NR3C2: variants seen among roughly 807,000 people sequenced by gnomAD.
NR3C2 encodes nuclear receptor subfamily 3 group C member 2.
A neutral mutation model predicts 86.4 loss-of-function variants in NR3C2; 15 were observed. The ratio of observed to expected loss-of-function variants is 0.17; its 90% CI spans 0.12 to 0.27. The LOEUF is 0.27. NR3C2 is among the 10% of genes least tolerant of loss of function. NR3C2 has a pLI of 1.00. For missense variants in NR3C2, 960 were observed against 1,195.6 expected (o/e 0.80, Z 2.91); for synonymous variants, 458 against 450.5 (o/e 1.02, Z -0.21).
chr4:148,299,252 G>A (rs951665836), intron 2 of NR3C2, among the ~76,000 whole-genome samples: 34 of 152,086 alleles, frequency 2.2e-4, no homozygotes, highest in Non-Finnish European at 4.9e-4. Context: ...TGGCCTGTAC[G>A]GGGACATGAG....
At chr4:148,334,821 G>A (rs56221684) in intron 2 of NR3C2, among the ~76,000 whole-genome samples, 43,849 of 152,042 alleles carry the variant, frequency 0.29, 7,073 homozygotes, top group Middle Eastern at 0.43. Context: ...GTCCGAGTTC[G>A]AGATGTTAGC....
intron 2 of NR3C2, among the ~76,000 whole-genome samples, chr4:148,266,245 G>A (rs914339259): frequency 1.3e-5 from 2 of 152,022 alleles, no homozygotes; most frequent in African/African-American, 4.8e-5. Flanking sequence ...GCTAATTTTT[G>A]TATTTTTAGT....
chr4:148,254,997 T>G (rs1579071620), intron 3 of NR3C2, among the ~76,000 whole-genome samples: 1 of 152,098 alleles, frequency 6.6e-6, no homozygotes, highest in Non-Finnish European at 1.5e-5. Flanking sequence ...TACGTAATAT[T>G]AATATTAATA....
chr4:148,204,538 G>C (rs149323072), intron 3 of NR3C2, among the ~76,000 whole-genome samples: 1 of 152,030 alleles, frequency 6.6e-6, no homozygotes, highest in Non-Finnish European at 1.5e-5. Flanking sequence ...AGACAAATTC[G>C]GAGTGGTAAA....
chr4:148,187,482 G>C (rs1365940943), intron 4 of NR3C2, among the ~76,000 whole-genome samples: 2 of 152,006 alleles, frequency 1.3e-5, no homozygotes, highest in South Asian at 2.1e-4. Flanking sequence ...TTTCATGTTT[G>C]TTGGCCATTT....
chr4:148,114,111 A>G lies in NR3C2; in HGVS notation c.2792T>C (p.Met931Thr). The G allele has an allele frequency of 6.2e-7, 1 of 1,613,342 alleles. No homozygotes were observed. The highest frequency in any genetic ancestry group is 8.5e-7 in the Non-Finnish European group (1 of 1,179,794). ...FYQLTKLLDS[M>T]HDLVSDLLEF... The stretch of plus-strand genomic sequence containing the variant: ...AGGAGGGGCTCTACTCACGTCATGC[A>G]TGGAGTCCAGCAGCTTGGTCAGTTG... Residue 931 changes from methionine to threonine, a missense_variant, in exon 8 of 9, where the codon ATG (methionine) becomes ACG (threonine). By Grantham distance (81) the Met-to-Thr change is moderately conservative. Coordinates refer to ENST00000358102, the MANE Select transcript of NR3C2 (RefSeq NM_000901.5).
intron 3 of NR3C2, among the ~76,000 whole-genome samples, chr4:148,198,015 A>G (rs1416790420): frequency 2.0e-5 from 3 of 152,074 alleles, no homozygotes; most frequent in African/African-American, 7.2e-5. Flanking sequence ...GAAGACAGAA[A>G]GCTTCCAAGG....
At chr4:148,396,469 T>C (rs960687446) in intron 2 of NR3C2, among the ~76,000 whole-genome samples, 2 of 152,226 alleles carry the variant, frequency 1.3e-5, no homozygotes, top group African/African-American at 4.8e-5. Context: ...ACAAAGACTT[T>C]AGAAAGGTAA....
intron 2 of NR3C2, among the ~76,000 whole-genome samples, chr4:148,419,820 C>T (rs1156654353): frequency 6.6e-6 from 1 of 152,146 alleles, no homozygotes; most frequent in African/African-American, 2.4e-5. Flanking sequence ...TCCACCAGCT[C>T]ACAATATTAC....
At chr4:148,310,451 C>T (rs945162245) in intron 2 of NR3C2, among the ~76,000 whole-genome samples, 1 of 152,214 alleles carries the variant, frequency 6.6e-6, no homozygotes, top group African/African-American at 2.4e-5. Context: ...AGTCTATTTG[C>T]TGTCACATGG....
At position 148,094,270 on chromosome 4, in the gene NR3C2, C is replaced by G. The variant is rs568303852; in HGVS notation, c.2800-12771G>C. Among the ~76,000 whole-genome samples the G allele has an allele frequency of 6.6e-5, 10 of 152,308 alleles. No individual in the cohort carries two copies. In the South Asian group the frequency reaches 1.9e-3, roughly 28 times the overall value. On this transcript the variant is annotated intron_variant, in intron 8 of 8. Coordinates refer to ENST00000358102, the MANE Select transcript of NR3C2 (RefSeq NM_000901.5). ...GAGAAATTGGAACATTTGCATGTCACTGGTGAAAATGTATAATGGTGCAGT... is the reference window on the plus strand; with the variant it reads ...GAGAAATTGGAACATTTGCATGTCAGTGGTGAAAATGTATAATGGTGCAGT...
chr4:148,312,111 G>A (rs573137400), intron 2 of NR3C2, among the ~76,000 whole-genome samples: 1 of 152,182 alleles, frequency 6.6e-6, no homozygotes, highest in South Asian at 2.1e-4. Flanking sequence ...TGTACTGGAG[G>A]CAGCTTATAC....
chr4:148,386,795 T>C (rs958173061), intron 2 of NR3C2, among the ~76,000 whole-genome samples: 1 of 152,224 alleles, frequency 6.6e-6, no homozygotes, highest in Non-Finnish European at 1.5e-5. Context: ...TTCTACCCTT[T>C]GTTCCTAATA....
At chr4:148,165,055 T>C (rs1356195951) in intron 4 of NR3C2, among the ~76,000 whole-genome samples, 3 of 152,108 alleles carry the variant, frequency 2.0e-5, no homozygotes, top group East Asian at 1.9e-4. Context: ...ACCAAACAGA[T>C]AGATGAGGGG....
In NR3C2 at chr4:148,081,360, T is replaced by A; in HGVS notation, c.2939A>T (p.Tyr980Phe). 1 of 1,614,186 alleles carries A rather than the reference T, an allele frequency of 6.2e-7. No individual in the cohort carries two copies. ...AGCGGGCAGTCACTTCCGGTGGAAG[T>A]AGAGCGGCTTGGCGTTCCCCGACTC... Reference protein sequence around the residue: ...KVESGNAKPLYFHRK With the variant: ...KVESGNAKPLFFHRK Residue 980 changes from tyrosine to phenylalanine, a missense_variant, in exon 9 of 9, where the codon TAC (tyrosine) becomes TTC (phenylalanine). Transcript: ENST00000358102.
intron 2 of NR3C2, among the ~76,000 whole-genome samples, chr4:148,309,764 G>A (rs1340779464): frequency 6.6e-6 from 1 of 152,170 alleles, no homozygotes; most frequent in Non-Finnish European, 1.5e-5. Flanking sequence ...GAAAGATTAT[G>A]GGGATTGTCC....
In NR3C2 at chr4:148,086,066, C is replaced by G. The variant is rs1196097666; in HGVS notation, c.2800-4567G>C. 2.6e-5 allele frequency among the ~76,000 whole-genome samples: 4 copies of G among 152,300 alleles called. No individual in the cohort carries two copies. In the East Asian group the frequency reaches 7.7e-4, roughly 29 times the overall value. ...CCAGAGGTACAAAGAGGAGCTGGTA[C>G]CATTCCTTCTGAAACTATTCCAAAC... is the stretch of plus-strand genomic sequence containing the variant. On this transcript the variant is annotated intron_variant, in intron 8 of 8. Transcript: ENST00000358102.
intron 7 of NR3C2, among the ~76,000 whole-genome samples, chr4:148,117,463 A>G (rs1445439793): frequency 6.6e-6 from 1 of 152,100 alleles, no homozygotes; most frequent in Non-Finnish European, 1.5e-5. Context: ...CAGGAATGAC[A>G]CTGGAGGTAA....
intron 3 of NR3C2, among the ~76,000 whole-genome samples, chr4:148,196,469 T>C (rs1736447747): frequency 6.6e-6 from 1 of 151,800 alleles, no homozygotes; most frequent in Admixed American, 6.6e-5. Flanking sequence ...GACTGGAGAG[T>C]GAAGCCTGAA....
Sources: gnomAD v4.1 joint callset for allele counts (sites outside exome capture counted in the v4.1 genomes callset) on GRCh38, gnomAD v4.1.1 for gene constraint, MANE v1.5 for transcripts, NCBI Gene and HGNC (gene_info 2026-07-23, HGNC 2026-07-21) for gene names.